Variants in TMEM132D observed in about 807,000 individuals in gnomAD.
The protein encoded by TMEM132D is transmembrane protein 132D.
In TMEM132D, 21 loss-of-function variants were observed where a neutral mutation model predicts 62.3. The ratio of observed to expected loss-of-function variants is 0.34; its 90% CI spans 0.24 to 0.49. The LOEUF (loss-of-function observed/expected upper bound fraction) is 0.49, where lower values mean the gene tolerates loss of function less well. TMEM132D is among the 20% of genes least tolerant of loss of function. TMEM132D has a pLI of 0.99. For synonymous variants in TMEM132D, 621 were observed against 575.6 expected (o/e 1.08, Z -1.13); for missense variants, 1,346 against 1,402.8 (o/e 0.96, Z 0.65).
intron 2 of TMEM132D, among the ~76,000 whole-genome samples, chr12:129,534,197 ACAGCC>A (rs1876313453): frequency 1.1e-5 from 1 of 91,672 alleles, no homozygotes; most frequent in Admixed American, 1.1e-4. Flanking sequence ...GGTTACACTG[ACAGCC>A]TCATTACACA....
At chr12:129,442,446 A>G (rs1053031504) in intron 3 of TMEM132D, among the ~76,000 whole-genome samples, 1 of 152,154 alleles carries the variant, frequency 6.6e-6, no homozygotes, top group Non-Finnish European at 1.5e-5. Context: ...CTGAAACCTC[A>G]GGTAAGTCAC....
intron 1 of TMEM132D, among the ~76,000 whole-genome samples, chr12:129,871,738 G>C (rs570781922): frequency 4.6e-5 from 7 of 152,160 alleles, no homozygotes; most frequent in Non-Finnish European, 1.0e-4. Flanking sequence ...CCATGTGGGC[G>C]TGAGAACCAA....
chr12:129,225,388 T>C (rs1038639360), intron 4 of TMEM132D, among the ~76,000 whole-genome samples: 1 of 152,194 alleles, frequency 6.6e-6, no homozygotes, highest in Admixed American at 6.5e-5. Context: ...CCAAGGTATG[T>C]CAGTTCTTGG....
chr12:129,267,239 A>C (rs1233938444), intron 4 of TMEM132D, among the ~76,000 whole-genome samples: 1 of 152,186 alleles, frequency 6.6e-6, no homozygotes, highest in Non-Finnish European at 1.5e-5. Flanking sequence ...AGAGGAAGTC[A>C]AATTGTCCCT....
chr12:129,767,049 G>A (rs558933861), intron 1 of TMEM132D, among the ~76,000 whole-genome samples: 1 of 152,344 alleles, frequency 6.6e-6, no homozygotes, highest in South Asian at 2.1e-4. Flanking sequence ...GAGTAGCCCT[G>A]CTCTGCAGAA....
intron 3 of TMEM132D, among the ~76,000 whole-genome samples, chr12:129,361,527 T>C (rs1374627616): frequency 6.9e-6 from 1 of 144,562 alleles, no homozygotes; most frequent in Non-Finnish European, 1.5e-5. Flanking sequence ...TTTTCTTGTA[T>C]CTTAGTATGA....
intron 5 of TMEM132D, among the ~76,000 whole-genome samples, chr12:129,128,630 G>A (rs1310551526): frequency 1.3e-5 from 2 of 152,100 alleles, no homozygotes; most frequent in Admixed American, 6.5e-5. Flanking sequence ...ATACCAACGG[G>A]ATACATGTGC....
intron 5 of TMEM132D, among the ~76,000 whole-genome samples, chr12:129,201,478 A>G (rs765072778): frequency 1.3e-5 from 2 of 152,218 alleles, no homozygotes; most frequent in Non-Finnish European, 2.9e-5. Flanking sequence ...CTACTCCCCA[A>G]ACTCCTCATT....
chr12:129,869,066 T>G (rs918525267), intron 1 of TMEM132D, among the ~76,000 whole-genome samples: 17 of 19,810 alleles, frequency 8.6e-4, no homozygotes, highest in Admixed American at 4.7e-3. Flanking sequence ...TGCTTTGTGT[T>G]TTTTTTTTTT....
chr12:129,508,919 TG>T (rs10709230), intron 3 of TMEM132D, among the ~76,000 whole-genome samples: 82,480 of 151,178 alleles, frequency 0.55, 22,784 homozygotes, highest in East Asian at 0.59. Context: ...CTTATCATTT[TG>T]CATGAGAAGC....
intron 5 of TMEM132D, among the ~76,000 whole-genome samples, chr12:129,203,755 C>A: frequency 6.6e-6 from 1 of 152,222 alleles, no homozygotes; most frequent in South Asian, 2.1e-4. Flanking sequence ...TAAGGACAGG[C>A]GGGCACAACC....
chr12:129,685,268 G>A (rs991816006), intron 2 of TMEM132D, among the ~76,000 whole-genome samples: 2 of 152,100 alleles, frequency 1.3e-5, no homozygotes, highest in Admixed American at 6.5e-5. Context: ...GGCCTAGGAG[G>A]AAAAAATGGT....
chr12:129,183,766 G>T (rs184456609), intron 5 of TMEM132D, among the ~76,000 whole-genome samples: 3 of 151,744 alleles, frequency 2.0e-5, no homozygotes, highest in Admixed American at 2.0e-4. Context: ...GTAGGGACAC[G>T]GATGATTCTT....
At chr12:129,202,348 C>T (rs1355299149) in intron 5 of TMEM132D, among the ~76,000 whole-genome samples, 1 of 152,202 alleles carries the variant, frequency 6.6e-6, no homozygotes, top group African/African-American at 2.4e-5. Context: ...TACCAGGTGA[C>T]TCTTTGTCAA....
At chr12:129,101,362 G>A (rs910170548) in intron 5 of TMEM132D, among the ~76,000 whole-genome samples, 5 of 152,232 alleles carry the variant, frequency 3.3e-5, no homozygotes, top group African/African-American at 1.2e-4. Context: ...GAGCTGGGAA[G>A]AGATGTGCCA....
chr12:129,362,225 G>A (rs1248487170), intron 3 of TMEM132D, among the ~76,000 whole-genome samples: 1 of 152,058 alleles, frequency 6.6e-6, no homozygotes, highest in Non-Finnish European at 1.5e-5. Flanking sequence ...CTTTCAACTT[G>A]TCTTGCATAG....
At chr12:129,690,558 C>T (rs1489550220) in intron 2 of TMEM132D, among the ~76,000 whole-genome samples, 2 of 152,028 alleles carry the variant, frequency 1.3e-5, no homozygotes, top group Non-Finnish European at 2.9e-5. Flanking sequence ...AAATTCCAGA[C>T]AAAGCAGATT....
At chr12:129,475,741 C>T (rs772899646) in intron 3 of TMEM132D, among the ~76,000 whole-genome samples, 10 of 152,158 alleles carry the variant, frequency 6.6e-5, no homozygotes, top group South Asian at 2.1e-4. Context: ...TGCAGGCGTC[C>T]AGCAGAGCTG....
At chr12:129,362,737 T>C (rs1452378998) in intron 3 of TMEM132D, among the ~76,000 whole-genome samples, 1 of 152,164 alleles carries the variant, frequency 6.6e-6, no homozygotes, top group Non-Finnish European at 1.5e-5. Flanking sequence ...GCTCAGCATC[T>C]GTGATGAAGC....
Sources: allele counts gnomAD v4.1 joint callset (sites outside exome capture counted in the v4.1 genomes callset), GRCh38; gene constraint gnomAD v4.1.1; transcripts MANE v1.5; gene names NCBI Gene and HGNC (gene_info 2026-07-23, HGNC 2026-07-21).